The following MLIP variants were observed in gnomAD, a reference collection of about 807,000 sequenced individuals.
The protein encoded by MLIP is muscular LMNA-interacting protein.
Under a neutral mutation model 84.8 loss-of-function variants are expected in MLIP, and 79 were observed. The ratio of observed to expected loss-of-function variants is 0.93; its 90% confidence interval spans 0.78 to 1.12. The LOEUF is 1.12. Ranked by LOEUF, MLIP falls within the 50% of genes most tolerant of loss-of-function variation. The probability of loss-of-function intolerance (pLI) is 0.00; values close to 1 mark genes in which losing one functional copy is unlikely to be tolerated. For missense variants in MLIP, 1,257 were observed against 1,160.6 expected (o/e 1.08, Z -1.21); for synonymous variants, 504 against 463.0 (o/e 1.09, Z -1.14).
chr6:54,081,527 C>T (rs1165671478), intron 1 of MLIP, among the ~76,000 whole-genome samples: 1 of 152,176 alleles, frequency 6.6e-6, no homozygotes, highest in Non-Finnish European at 1.5e-5. Flanking sequence ...CCTGCCTCAG[C>T]CTCCCGAAGT....
At chr6:54,222,760 T>C (rs1780302297) in intron 11 of MLIP, among the ~76,000 whole-genome samples, 1 of 152,082 alleles carries the variant, frequency 6.6e-6, no homozygotes, top group Non-Finnish European at 1.5e-5. Context: ...TGCATTTTTA[T>C]GGTAGCCATA....
intron 1 of MLIP, among the ~76,000 whole-genome samples, chr6:54,115,075 G>A (rs9370264): frequency 2.0e-4 from 30 of 152,316 alleles, no homozygotes; most frequent in Non-Finnish European, 3.4e-4. Context: ...TTCTAGGCCA[G>A]TGGAAGAGTG....
At chr6:54,253,549 C>T (rs571812765) in intron 12 of MLIP, among the ~76,000 whole-genome samples, 1 of 152,158 alleles carries the variant, frequency 6.6e-6, no homozygotes, top group Admixed American at 6.6e-5. Flanking sequence ...AATTTCATGT[C>T]TTGTGTACAT....
intron 1 of MLIP, among the ~76,000 whole-genome samples, chr6:54,095,404 T>C (rs1768140758): frequency 6.6e-6 from 1 of 152,184 alleles, no homozygotes; most frequent in Admixed American, 6.5e-5. Context: ...TCATTTATTT[T>C]CATTATTTTA....
chr6:54,062,358 T>C (rs572811818), intron 1 of MLIP, among the ~76,000 whole-genome samples: 1 of 152,346 alleles, frequency 6.6e-6, no homozygotes, highest in South Asian at 2.1e-4. Flanking sequence ...TTCTGTAATA[T>C]GTTGTTTGAA....
chr6:54,115,858 GAA>G (rs1464224721), intron 1 of MLIP, among the ~76,000 whole-genome samples: 2 of 152,168 alleles, frequency 1.3e-5, no homozygotes, highest in Non-Finnish European at 2.9e-5. Flanking sequence ...GAGTGTGAGA[GAA>G]AACATTTATC....
chr6:54,248,119 A>G (rs757453093), intron 12 of MLIP, among the ~76,000 whole-genome samples: 4 of 152,072 alleles, frequency 2.6e-5, no homozygotes, highest in African/African-American at 4.8e-5. Context: ...ATTCTATTTT[A>G]TGTCACACTG....
At chr6:54,027,402 CACACACACACACACACACAT>C (rs1368143452) in intron 1 of MLIP, among the ~76,000 whole-genome samples, 5 of 151,066 alleles carry the variant, frequency 3.3e-5, no homozygotes, top group African/African-American at 9.7e-5. Flanking sequence ...CACACACACA[CACACACACACACACACACAT>C]ATATACATAA....
At chr6:54,210,588 T>C (rs1779375589) in intron 11 of MLIP, among the ~76,000 whole-genome samples, 1 of 151,696 alleles carries the variant, frequency 6.6e-6, no homozygotes, top group African/African-American at 2.4e-5. Flanking sequence ...TTTGAAATAG[T>C]TAATTCAACA....
intron 4 of MLIP, among the ~76,000 whole-genome samples, chr6:54,144,616 T>C (rs977454518): frequency 4.6e-5 from 7 of 152,166 alleles, no homozygotes; most frequent in African/African-American, 1.7e-4. Flanking sequence ...GCTGATCTGG[T>C]AGGAGGCAGA....
chr6:54,227,938 C>A (rs542962156), intron 11 of MLIP, among the ~76,000 whole-genome samples: 1 of 152,080 alleles, frequency 6.6e-6, no homozygotes, highest in Non-Finnish European at 1.5e-5. Context: ...AATCCCAGCA[C>A]TTTGGGAGGC....
intron 1 of MLIP, among the ~76,000 whole-genome samples, chr6:54,044,102 C>CTTT (rs1764897987): frequency 2.6e-5 from 4 of 152,220 alleles, no homozygotes; most frequent in Admixed American, 1.3e-4. Flanking sequence ...AAAAAGAACA[C>CTTT]TTATCATTTT....
rs544251831 is a variant in MLIP, at chr6:54,233,115, A to G, written c.2922+2198A>G. Among the ~76,000 whole-genome samples the G allele has an allele frequency of 2.6e-5, 4 of 152,328 alleles. No homozygotes were observed. In the East Asian group the frequency reaches 5.8e-4, roughly 22 times the overall value. On this transcript the variant is annotated intron_variant, in intron 12 of 13. Transcript: ENST00000502396. ...TCTTTTCATCCTGGAATAAAACAGTACAACTGCCTTCTTCACTGCCTTGCA... is the reference window on the plus strand; with the variant it reads ...TCTTTTCATCCTGGAATAAAACAGTGCAACTGCCTTCTTCACTGCCTTGCA...
intron 1 of MLIP, among the ~76,000 whole-genome samples, chr6:54,044,161 G>A (rs1458046092): frequency 2.0e-5 from 3 of 152,138 alleles, no homozygotes. Context: ...TAAACAGTCG[G>A]GTCATCTAAG....
intron 12 of MLIP, among the ~76,000 whole-genome samples, chr6:54,243,348 G>A (rs1023488746): frequency 3.9e-5 from 6 of 152,142 alleles, no homozygotes. Context: ...AAGCAGGCCA[G>A]AGCATTGAAG....
intron 1 of MLIP, among the ~76,000 whole-genome samples, chr6:54,112,882 T>G (rs1307863865): frequency 6.6e-6 from 1 of 152,224 alleles, no homozygotes; most frequent in Non-Finnish European, 1.5e-5. Context: ...CATACTTTGT[T>G]TCTACTTTAT....
chr6:54,166,224 A>G (rs1582357706), intron 8 of MLIP, among the ~76,000 whole-genome samples: 2 of 152,136 alleles, frequency 1.3e-5, no homozygotes, highest in East Asian at 1.9e-4. Context: ...AAATAATTTT[A>G]TAACCAATAT....
At chr6:54,220,101 CA>C (rs1375510580) in intron 11 of MLIP, among the ~76,000 whole-genome samples, 1 of 152,164 alleles carries the variant, frequency 6.6e-6, no homozygotes, top group East Asian at 1.9e-4. Context: ...GTATCCATTT[CA>C]AACCCTGAAA....
upstream of MLIP, among the ~76,000 whole-genome samples, chr6:54,108,419 C>T (rs1769176803): frequency 6.6e-6 from 1 of 152,096 alleles, no homozygotes; most frequent in East Asian, 1.9e-4. Context: ...ATTTTTTGAC[C>T]AGGTGCCATC....
Sources: gnomAD v4.1 joint callset for allele counts (sites outside exome capture counted in the v4.1 genomes callset) on GRCh38, gnomAD v4.1.1 for gene constraint, MANE v1.5 for transcripts, NCBI Gene and HGNC (gene_info 2026-07-23, HGNC 2026-07-21) for gene names.